The following TCERG1L variants were observed in gnomAD, a reference collection of about 807,000 sequenced individuals.
The protein encoded by TCERG1L is transcription elongation regulator 1-like protein.
In TCERG1L, 37 loss-of-function variants were observed where a neutral mutation model predicts 56.3. That is an observed-to-expected ratio of 0.66 (90% CI 0.51 to 0.87). TCERG1L has a LOEUF of 0.87. TCERG1L is among the 40% of genes least tolerant of loss of function. TCERG1L has a pLI of 0.00. For missense variants in TCERG1L, 799 were observed against 774.2 expected (o/e 1.03, Z -0.38); for synonymous variants, 324 against 326.3 (o/e 0.99, Z 0.08).
intron 4 of TCERG1L, among the ~76,000 whole-genome samples, chr10:131,215,090 G>T (rs552560026): frequency 6.6e-6 from 1 of 152,192 alleles, no homozygotes; most frequent in East Asian, 1.9e-4. Flanking sequence ...GTACTTCCTC[G>T]CTGTGACGCA....
In TCERG1L at chr10:131,311,417, C is replaced by T. The variant is rs1846897506; in HGVS notation, c.219G>A (p.Leu73=). The change falls in exon 1 of 12, where the codon CTG becomes CTA. Residue 73 remains leucine, a synonymous_variant. Coordinates refer to ENST00000368642, the MANE Select transcript of TCERG1L (RefSeq NM_174937.4). This position sits in a 1 kb window ranked among gnomAD's most constrained non-coding sequence, Gnocchi z 4.0. ...CCGGCCAGCCGGGGAGACCGGGGAG[C>T]AGCGGGGCCGCGGGCGGCGGGGCCG... ...LASAPPPAAP[L]LPGLPGWPAP... is the part of the protein sequence containing the mutation. The T allele has an allele frequency of 1.7e-6, 2 of 1,179,640 alleles. No homozygotes were observed. Among genetic ancestry groups the T allele is most frequent in the Non-Finnish European group, 2.1e-6 (2 of 955,812 alleles). The allele number at this position is 1,179,640 out of a possible 1,614,324, so 73.1% of individuals were successfully genotyped here. A position where few individuals can be genotyped will look rare whatever the true frequency, so the allele number is the denominator to read the frequency against.
intron 4 of TCERG1L, among the ~76,000 whole-genome samples, chr10:131,255,671 T>C (rs1274813544): frequency 6.6e-6 from 1 of 152,242 alleles, no homozygotes; most frequent in Non-Finnish European, 1.5e-5. Context: ...ACAGTGGAGA[T>C]GGCTAACGGC....
intron 4 of TCERG1L, among the ~76,000 whole-genome samples, chr10:131,221,927 T>C (rs75155354): frequency 0.033 from 5,086 of 152,332 alleles, 119 homozygotes; most frequent in Non-Finnish European, 0.054. Flanking sequence ...CTCTAGGTGA[T>C]GGACGAGGCA....
intron 4 of TCERG1L, among the ~76,000 whole-genome samples, chr10:131,238,249 AG>A (rs1262492863): frequency 6.6e-6 from 1 of 152,220 alleles, no homozygotes; most frequent in Non-Finnish European, 1.5e-5. Context: ...CATCTCGTTA[AG>A]GAATCCACAC....
At chr10:131,285,528 G>GAAAAGA (rs1253618853) in intron 3 of TCERG1L, among the ~76,000 whole-genome samples, 12 of 14,394 alleles carry the variant, frequency 8.3e-4, no homozygotes, top group Non-Finnish European at 1.2e-3. Context: ...AAGAAAGAGA[G>GAAAAGA]AAAGAAAAGA....
In TCERG1L at chr10:131,222,809, C is replaced by T. The variant is rs530374903; in HGVS notation, c.856+37450G>A. Among the ~76,000 whole-genome samples, 6 of 152,298 alleles carry T rather than the reference C, an allele frequency of 3.9e-5. No individual in the cohort carries two copies. In the South Asian group the frequency reaches 1.2e-3, roughly 32 times the overall value. ...GATAAGGCCCCTTCCCAAGCCACCG[C>T]TCTCTGGGGAGGGTCATGAGAGAAG... is the stretch of plus-strand genomic sequence containing the variant. On this transcript the variant is annotated intron_variant, in intron 4 of 11. Transcript: ENST00000368642.
At chr10:131,166,698 C>A in intron 5 of TCERG1L, 99 bp downstream of exon 5, 1 of 1,236,492 alleles carries the variant, frequency 8.1e-7, no homozygotes, top group Non-Finnish European at 1.1e-6. Context: ...AGTCATTTCA[C>A]AAACACCATA....
chr10:131,228,818 G>A (rs1457988320), intron 4 of TCERG1L, among the ~76,000 whole-genome samples: 24 of 69,010 alleles, frequency 3.5e-4, no homozygotes, highest in South Asian at 1.6e-3. Flanking sequence ...CAAGGCCTCC[G>A]GAGTCTTCCC....
intron 9 of TCERG1L, among the ~76,000 whole-genome samples, 155 bp from the exon 10 acceptor site, chr10:131,104,509 G>A (rs1286835146): frequency 6.6e-6 from 1 of 152,198 alleles, no homozygotes; most frequent in Non-Finnish European, 1.5e-5. Flanking sequence ...TGTTAGACAT[G>A]TCAGATGCTC....
In TCERG1L at chr10:131,201,445, G is replaced by A. The variant is rs191130989; in HGVS notation, c.857-34560C>T. ...AGCGCCAAGAGTTCCCCGGGGTCTC[G>A]TAAGGCGCCAAAAAGGAGGGTCCCA... is the stretch of plus-strand genomic sequence containing the variant. On this transcript the variant is annotated intron_variant, in intron 4 of 11. Coordinates refer to ENST00000368642, the MANE Select transcript of TCERG1L (RefSeq NM_174937.4). Among the ~76,000 whole-genome samples the A allele has an allele frequency of 1.9e-3, 295 of 152,258 alleles. 1 individual carries two copies. Among genetic ancestry groups the A allele is most frequent in the Non-Finnish European group, 2.7e-3 (185 of 68,024 alleles).
chr10:131,126,872 C>G (rs924236839), intron 8 of TCERG1L, among the ~76,000 whole-genome samples: 50 of 152,216 alleles, frequency 3.3e-4, no homozygotes, highest in African/African-American at 1.2e-3. Flanking sequence ...GGTCTCAGAG[C>G]TCTCAAAACT....
chr10:131,169,196 C>T (rs993492321), intron 4 of TCERG1L, among the ~76,000 whole-genome samples: 8 of 152,110 alleles, frequency 5.3e-5, no homozygotes, highest in Admixed American at 4.6e-4. Flanking sequence ...CTGTCCCCAC[C>T]CCATCTCTGC....
intron 8 of TCERG1L, among the ~76,000 whole-genome samples, chr10:131,124,657 C>CACT (rs1564796449): frequency 2.9e-4 from 37 of 126,636 alleles, no homozygotes; most frequent in Middle Eastern, 7.8e-3. Context: ...GGCTCATCAT[C>CACT]GCTGCCTGTC....
intron 9 of TCERG1L, among the ~76,000 whole-genome samples, chr10:131,110,228 C>T (rs1287516175): frequency 6.6e-6 from 1 of 152,210 alleles, no homozygotes; most frequent in Non-Finnish European, 1.5e-5. Flanking sequence ...AAGATGCAGA[C>T]CACGCGGGCA....
intron 4 of TCERG1L, among the ~76,000 whole-genome samples, chr10:131,250,722 A>T (rs1479527910): frequency 6.6e-6 from 1 of 152,144 alleles, no homozygotes; most frequent in Non-Finnish European, 1.5e-5. Flanking sequence ...CCGGGAGCCC[A>T]GCGCCCTGTT....
chr10:131,293,125 A>G (rs1371209268), intron 3 of TCERG1L, among the ~76,000 whole-genome samples: 3 of 152,232 alleles, frequency 2.0e-5, no homozygotes, highest in Admixed American at 2.0e-4. Flanking sequence ...CGCTGGGATT[A>G]AAGGCATGAG....
At chr10:131,113,811 G>C (rs1845430643) in intron 9 of TCERG1L, among the ~76,000 whole-genome samples, 1 of 142,124 alleles carries the variant, frequency 7.0e-6, no homozygotes, top group African/African-American at 2.5e-5. Context: ...TGGCCCCTGG[G>C]TGAGCATCAC....
chr10:131,234,896 G>A (rs7100343), intron 4 of TCERG1L, among the ~76,000 whole-genome samples: 7,003 of 152,260 alleles, frequency 0.046, 378 homozygotes, highest in East Asian at 0.23. Context: ...TAGAGAAAGG[G>A]TTTCATCATG....
chr10:131,179,492 G>A (rs1438290666), intron 4 of TCERG1L, among the ~76,000 whole-genome samples: 1 of 152,138 alleles, frequency 6.6e-6, no homozygotes, highest in Non-Finnish European at 1.5e-5. Context: ...GGTGATCACC[G>A]GAGTAGCCCT....
Sources: allele counts gnomAD v4.1 joint callset (sites outside exome capture counted in the v4.1 genomes callset), GRCh38; gene constraint gnomAD v4.1.1; non-coding constraint Gnocchi (gnomAD v3.1); transcripts MANE v1.5; gene names NCBI Gene and HGNC (gene_info 2026-07-23, HGNC 2026-07-21).